Variants in ZBBX observed in about 807,000 individuals in gnomAD.
The protein encoded by ZBBX is zinc finger B-box domain containing.
A neutral mutation model predicts 108.5 loss-of-function variants in ZBBX; 101 were observed. The observed-to-expected ratio is 0.93, with a 90% CI of 0.79 to 1.10. The LOEUF (loss-of-function observed/expected upper bound fraction) is 1.10, where lower values mean the gene tolerates loss of function less well. Ranked by LOEUF, ZBBX falls within the 50% of genes least tolerant of loss-of-function variation. The pLI is 0.00. For missense variants in ZBBX, 1,009 were observed against 941.4 expected (o/e 1.07, Z -0.94); for synonymous variants, 356 against 323.4 (o/e 1.10, Z -1.08).
intron 9 of ZBBX, among the ~76,000 whole-genome samples, chr3:167,334,328 C>A (rs1577027420): frequency 6.6e-6 from 1 of 152,056 alleles, no homozygotes; most frequent in African/African-American, 2.4e-5. Flanking sequence ...ATCTCAGCAC[C>A]TTGGGAGGCT....
chr3:167,333,735 G>T, intron 10 of ZBBX, 92 bp downstream of exon 10: 2 of 1,093,876 alleles, frequency 1.8e-6, no homozygotes, highest in South Asian at 2.4e-5. Context: ...TGAAATTATT[G>T]GTGAAATTCT....
intron 20 of ZBBX, among the ~76,000 whole-genome samples, chr3:167,244,509 T>C (rs1190019410): frequency 6.6e-6 from 1 of 152,240 alleles, no homozygotes; most frequent in Non-Finnish European, 1.5e-5. Flanking sequence ...GAGTCTATTT[T>C]TCTAGAACTA....
the ZBBX span, among the ~76,000 whole-genome samples, chr3:167,218,776 T>C: frequency 6.6e-6 from 1 of 152,104 alleles, no homozygotes; most frequent in South Asian, 2.1e-4. Context: ...AGTTCTCAAT[T>C]ACCACTGATA....
intron 8 of ZBBX, among the ~76,000 whole-genome samples, chr3:167,357,333 G>A (rs758932027): frequency 6.6e-5 from 10 of 152,232 alleles, no homozygotes; most frequent in Non-Finnish European, 1.0e-4. Context: ...GAGGGATACT[G>A]TACTATAAAA....
At chr3:167,253,914 C>T (rs577786163) in intron 20 of ZBBX, among the ~76,000 whole-genome samples, 1 of 152,074 alleles carries the variant, frequency 6.6e-6, no homozygotes, top group Non-Finnish European at 1.5e-5. Context: ...GTAATGAAAG[C>T]AAACTTTTTG....
chr3:167,269,027 T>C (rs895529044), intron 20 of ZBBX, among the ~76,000 whole-genome samples: 4 of 152,138 alleles, frequency 2.6e-5, no homozygotes, highest in Admixed American at 1.3e-4. Flanking sequence ...GTTACAGATG[T>C]GGAAGGGCAG....
chr3:167,211,837 G>A, the ZBBX span, among the ~76,000 whole-genome samples: 1 of 151,838 alleles, frequency 6.6e-6, no homozygotes, highest in East Asian at 1.9e-4. Flanking sequence ...ACTGCCCCTG[G>A]GATGGCTCTC....
At chr3:167,254,333 G>T (rs1338223001) in intron 20 of ZBBX, among the ~76,000 whole-genome samples, 1 of 152,052 alleles carries the variant, frequency 6.6e-6, no homozygotes, top group Non-Finnish European at 1.5e-5. Context: ...TAGTGAACCG[G>T]GTACAGTGTA....
chr3:167,220,617 A>G, the ZBBX span, among the ~76,000 whole-genome samples: 1 of 152,000 alleles, frequency 6.6e-6, no homozygotes, highest in African/African-American at 2.4e-5. Flanking sequence ...CGACAGACTC[A>G]CAGCTGGTAT....
At chr3:167,226,662 TCTC>T in the ZBBX span, among the ~76,000 whole-genome samples, 1 of 151,736 alleles carries the variant, frequency 6.6e-6, no homozygotes, top group Non-Finnish European at 1.5e-5. Context: ...ATGCTTTTTT[TCTC>T]CTCATCTGAT....
At chr3:167,179,712 A>C in the ZBBX span, among the ~76,000 whole-genome samples, 1 of 152,232 alleles carries the variant, frequency 6.6e-6, no homozygotes, top group African/African-American at 2.4e-5. Flanking sequence ...GGCATCTGGA[A>C]AACTTTACCT....
At chr3:167,209,358 C>T in the ZBBX span, among the ~76,000 whole-genome samples, 1 of 151,978 alleles carries the variant, frequency 6.6e-6, no homozygotes, top group African/African-American at 2.4e-5. Flanking sequence ...ACTTGTGTCA[C>T]CCCCCTCCTC....
chr3:167,271,053 A>G (rs114314096), intron 20 of ZBBX, among the ~76,000 whole-genome samples: 2,121 of 152,330 alleles, frequency 0.014, 25 homozygotes, highest in South Asian at 0.026. Context: ...GAAGAAATAG[A>G]GTCAGGCAAA....
At chr3:167,267,636 G>A (rs984795406) in intron 20 of ZBBX, among the ~76,000 whole-genome samples, 1 of 152,132 alleles carries the variant, frequency 6.6e-6, no homozygotes, top group South Asian at 2.1e-4. Flanking sequence ...GCCAGTTTGG[G>A]TCAAATGAGG....
At chr3:167,303,912 C>T (rs1437794556) in intron 17 of ZBBX, among the ~76,000 whole-genome samples, 1 of 152,146 alleles carries the variant, frequency 6.6e-6, no homozygotes, top group Admixed American at 6.6e-5. Flanking sequence ...TGTCATATTA[C>T]TAACTCTTCA....
At chr3:167,272,292 T>C (rs565537061) in intron 20 of ZBBX, among the ~76,000 whole-genome samples, 1 of 152,292 alleles carries the variant, frequency 6.6e-6, no homozygotes, top group South Asian at 2.1e-4. Context: ...ACATATTTGG[T>C]CTCTCCTTTA....
chr3:167,314,638 T>C (rs1365961654), intron 15 of ZBBX, among the ~76,000 whole-genome samples: 1 of 152,190 alleles, frequency 6.6e-6, no homozygotes, highest in African/African-American at 2.4e-5. Flanking sequence ...GATATTTATA[T>C]AAGCTCTACA....
chr3:167,200,241 G>C, the ZBBX span, among the ~76,000 whole-genome samples: 168 of 152,180 alleles, frequency 1.1e-3, no homozygotes, highest in Admixed American at 2.2e-3. Flanking sequence ...GGAGAGGGGA[G>C]CATGATTCAA....
Position 167,305,653 on chromosome 3 carries a change from T to C in ZBBX, c.1715A>G (p.Lys572Arg), listed in dbSNP as rs748188161. The C allele has an allele frequency of 1.3e-6, 2 of 1,557,882 alleles. No homozygotes were observed. Among genetic ancestry groups the C allele is most frequent in the Non-Finnish European group, 1.7e-6 (2 of 1,158,196 alleles). The change falls in exon 17 of 22, where the codon AAG (lysine) becomes AGG (arginine). Residue 572 changes from lysine to arginine, a missense_variant. By Grantham distance (26) the Lys-to-Arg change is conservative (BLOSUM62 2). Transcript: ENST00000675490. ...ATAATAGAGATTTACCAGTGATGAC[T>C]TTGTAGTTTTTGATTCTTCAAAGCT... Reference protein sequence around the residue: ...RPSFEESKTTKSSLLLQEIAC... With the variant: ...RPSFEESKTTRSSLLLQEIAC...
Sources: gnomAD v4.1 joint callset for allele counts (sites outside exome capture counted in the v4.1 genomes callset) on GRCh38, gnomAD v4.1.1 for gene constraint, MANE v1.5 for transcripts, NCBI Gene and HGNC (gene_info 2026-07-23, HGNC 2026-07-21) for gene names.